The following NF1 variants were observed in gnomAD, a reference collection of about 807,000 sequenced individuals.
NF1 encodes neurofibromin 1.
In NF1, 122 loss-of-function variants were observed where a neutral mutation model predicts 325.7. The observed-to-expected ratio is 0.37, with a 90% CI of 0.32 to 0.44. The LOEUF is 0.44. NF1 is among the 20% of genes least tolerant of loss of function. The pLI is 1.00. For missense variants in NF1, 2,140 were observed against 3,415.4 expected (o/e 0.63, Z 9.31); for synonymous variants, 1,091 against 1,186.0 (o/e 0.92, Z 1.65).
At chr17:31,103,433 C>A (rs1446243473) in intron 1 of NF1, among the ~76,000 whole-genome samples, 2 of 151,766 alleles carry the variant, frequency 1.3e-5, no homozygotes, top group Non-Finnish European at 2.9e-5. Context: ...TTAGTAGAGG[C>A]AGGGTTTTAC....
intron 1 of NF1, among the ~76,000 whole-genome samples, chr17:31,129,254 A>G (rs560497253): frequency 1.6e-4 from 24 of 152,074 alleles, no homozygotes; most frequent in African/African-American, 5.8e-4. Flanking sequence ...TTCTCCCCAT[A>G]TCTTTCAGGG....
At position 31,232,994 on chromosome 17, in the gene NF1, C is replaced by A. The variant is rs1339536459; in HGVS notation, c.3497-8C>A. The A allele has an allele frequency of 6.2e-7, 1 of 1,614,068 alleles. No homozygotes were observed. Among genetic ancestry groups the A allele is most frequent in the Admixed American group, 1.7e-5 (1 of 60,020 alleles). Reference sequence around the variant, plus strand: ...GTTAGTAAATTTGCATCTGTTTGTCCACATTAGGCTTAGGTTACCACAAGG... The same window carrying A: ...GTTAGTAAATTTGCATCTGTTTGTCAACATTAGGCTTAGGTTACCACAAGG... On this transcript the variant is annotated splice_polypyrimidine_tract_variant and splice_region_variant and intron_variant, in intron 26 of 57. Coordinates refer to ENST00000358273, the MANE Select transcript of NF1 (RefSeq NM_001042492.3).
intron 8 of NF1, chr17:31,182,990 G>C (rs1244633219): frequency 3.5e-6 from 2 of 567,178 alleles, no homozygotes; most frequent in Non-Finnish European, 6.2e-6. Flanking sequence ...TGCCCTACTT[G>C]AGTTCATCAC....
chr17:31,360,779 T>C, intron 57 of NF1, 76 bp downstream of exon 57: 1 of 1,350,886 alleles, frequency 7.4e-7, no homozygotes, highest in African/African-American at 1.4e-5. Context: ...TTGTGATCAG[T>C]TTATAGCAAA....
intron 1 of NF1, among the ~76,000 whole-genome samples, chr17:31,098,532 C>T (rs968142777): frequency 7.2e-5 from 11 of 151,964 alleles, no homozygotes; most frequent in Admixed American, 2.0e-4. Flanking sequence ...TCCTGGATAA[C>T]ATTTGTTATT....
At chr17:31,128,449 G>C (rs1915071633) in intron 1 of NF1, 1 of 152,118 alleles carries the variant, frequency 6.6e-6, no homozygotes, top group East Asian at 1.9e-4. Context: ...GTTTTTTTTA[G>C]TGTCTGATAA....
In NF1 at chr17:31,360,480, A is replaced by G. The variant is rs767623039; in HGVS notation, c.8161-7A>G. On this transcript the variant is annotated splice_region_variant and splice_polypyrimidine_tract_variant and intron_variant, in intron 56 of 57. Coordinates refer to ENST00000358273, the MANE Select transcript of NF1 (RefSeq NM_001042492.3). The stretch of plus-strand genomic sequence containing the variant: ...GAACTAAAATAATTTCCTATTTTCC[A>G]TTACAGCAAACACAAATTCCAGACT... The G allele has an allele frequency of 1.9e-6, 3 of 1,613,220 alleles. No individual in the cohort carries two copies. The Admixed American group carries it at 5.0e-5, about 27-fold the overall frequency.
chr17:31,336,342 C>T lies in NF1; in HGVS notation c.6016C>T (p.Leu2006=), dbSNP rs2151553176. ...IWGSLGQITD[L]LDVVLDSFIK... The stretch of plus-strand genomic sequence containing the variant: ...TTCCTTCTTCAACTAGATTACAGAT[C>T]TGCTTGATGTTGTACTAGACAGTTT... The change falls in exon 41 of 58, where the codon CTG becomes TTG. Residue 2006 remains leucine, a synonymous_variant. Transcript: ENST00000358273. The surrounding 1 kb of genome is among the most constrained non-coding windows in gnomAD (Gnocchi z 5.5). The T allele has an allele frequency of 1.2e-6, 2 of 1,613,906 alleles. No homozygotes were observed. The highest frequency in any genetic ancestry group is 8.5e-7 in the Non-Finnish European group (1 of 1,179,922).
At chr17:31,198,099 A>G (rs2143860841) in intron 8 of NF1, among the ~76,000 whole-genome samples, 1 of 152,260 alleles carries the variant, frequency 6.6e-6, no homozygotes, top group South Asian at 2.1e-4. Context: ...GGTATATTAC[A>G]TTGATTTTTT....
At chr17:31,238,721 G>A (rs888328052) in intron 29 of NF1, among the ~76,000 whole-genome samples, 4 of 149,840 alleles carry the variant, frequency 2.7e-5, no homozygotes, top group Admixed American at 1.3e-4. Context: ...GCGACAGAGC[G>A]AGACTCTGTC....
At chr17:31,154,856 C>T (rs953943012) in intron 1 of NF1, among the ~76,000 whole-genome samples, 3 of 151,306 alleles carry the variant, frequency 2.0e-5, no homozygotes, top group Non-Finnish European at 4.4e-5. Context: ...TCTCCTGCCT[C>T]AGCCTCCCGA....
At chr17:31,307,521 C>A (rs1482866082) in intron 36 of NF1, among the ~76,000 whole-genome samples, 1 of 152,142 alleles carries the variant, frequency 6.6e-6, no homozygotes, top group African/African-American at 2.4e-5. Context: ...GCAGATAGGG[C>A]TTTTTCTGGG....
chr17:31,306,799 A>T (rs868157541), intron 36 of NF1, among the ~76,000 whole-genome samples: 1,636 of 144,340 alleles, frequency 0.011, 33 homozygotes, highest in African/African-American at 0.036. Context: ...TAGGAGATTA[A>T]AAAAAAAAAA....
intron 51 of NF1, among the ~76,000 whole-genome samples, chr17:31,354,370 GAATAA>G (rs1164732736): frequency 1.3e-5 from 2 of 152,066 alleles, no homozygotes; most frequent in East Asian, 3.9e-4. Context: ...GGAATAGCAA[GAATAA>G]AGAAAAGGCA....
intron 47 of NF1, among the ~76,000 whole-genome samples, chr17:31,341,440 T>C (rs915123958): frequency 2.0e-5 from 3 of 152,028 alleles, no homozygotes; most frequent in African/African-American, 7.3e-5. Flanking sequence ...GGAGGATTGC[T>C]TGAGCCTGGG....
At chr17:31,278,979 C>T (rs2068067201) in intron 36 of NF1, among the ~76,000 whole-genome samples, 2 of 152,132 alleles carry the variant, frequency 1.3e-5, no homozygotes, top group African/African-American at 4.8e-5. Flanking sequence ...TGGCTCATGC[C>T]TATAATCCCA....
At chr17:31,349,892 C>G (rs1402413935) in intron 49 of NF1, among the ~76,000 whole-genome samples, 2 of 152,090 alleles carry the variant, frequency 1.3e-5, no homozygotes, top group African/African-American at 4.8e-5. Context: ...TTGTTTGAAC[C>G]GTATCATCTT....
At chr17:31,247,810 A>C (rs1239063859) in intron 29 of NF1, among the ~76,000 whole-genome samples, 1 of 152,242 alleles carries the variant, frequency 6.6e-6, no homozygotes, top group African/African-American at 2.4e-5. Flanking sequence ...AGTAAAGTGA[A>C]CTATATCTTC....
intron 29 of NF1, among the ~76,000 whole-genome samples, chr17:31,245,918 C>T (rs994047996): frequency 1.3e-5 from 2 of 152,158 alleles, no homozygotes; most frequent in Non-Finnish European, 2.9e-5. Context: ...GAAACTTGGT[C>T]TTTCTGGTGA....
Sources: allele counts gnomAD v4.1 joint callset (sites outside exome capture counted in the v4.1 genomes callset), GRCh38; gene constraint gnomAD v4.1.1; non-coding constraint Gnocchi (gnomAD v3.1); transcripts MANE v1.5; gene names NCBI Gene and HGNC (gene_info 2026-07-23, HGNC 2026-07-21).